The following STAG1 variants were observed in gnomAD, a reference collection of about 807,000 sequenced individuals.
The protein encoded by STAG1 is cohesin subunit SA-1.
A neutral mutation model predicts 170.9 loss-of-function variants in STAG1; 26 were observed. The observed-to-expected ratio is 0.15, with a 90% CI of 0.11 to 0.21. The LOEUF (loss-of-function observed/expected upper bound fraction) is 0.21. Among genes scored for constraint, STAG1 ranks in the 10% least tolerant of loss-of-function variants. The pLI is 1.00. For missense variants in STAG1, 964 were observed against 1,509.5 expected, an observed-to-expected ratio of 0.64 and a Z score of 5.99; for synonymous variants, 514 against 497.7, an observed-to-expected ratio of 1.03 and a Z score of -0.44.
At chr3:136,591,280 A>G (rs1441301857) in intron 4 of STAG1, among the ~76,000 whole-genome samples, 1 of 145,866 alleles carries the variant, frequency 6.9e-6, no homozygotes, top group Non-Finnish European at 1.5e-5. Context: ...GGGAGGAGGG[A>G]AGGCGGGAAG....
chr3:136,391,035 A>T (rs1417036386), intron 22 of STAG1, among the ~76,000 whole-genome samples: 1 of 152,212 alleles, frequency 6.6e-6, no homozygotes, highest in East Asian at 1.9e-4. Flanking sequence ...ACAAGTTGGA[A>T]TTTTCAGAGG....
chr3:136,409,562 C>A (rs2087569334), intron 21 of STAG1, among the ~76,000 whole-genome samples: 1 of 152,018 alleles, frequency 6.6e-6, no homozygotes, highest in African/African-American at 2.4e-5. Flanking sequence ...GTCTCAAACT[C>A]CTGGCCTGAA....
intron 1 of STAG1, among the ~76,000 whole-genome samples, chr3:136,695,855 A>G (rs932415126): frequency 2.8e-5 from 4 of 142,128 alleles, no homozygotes; most frequent in Non-Finnish European, 6.1e-5. Flanking sequence ...CAAAGAGTAC[A>G]TAGTTCTGGG....
At chr3:136,603,196 A>AT (rs112085833) in intron 4 of STAG1, among the ~76,000 whole-genome samples, 383 of 146,824 alleles carry the variant, frequency 2.6e-3, no homozygotes, top group South Asian at 9.7e-3. Context: ...CAATTACCTA[A>AT]TTTTTTTTTT....
At chr3:136,620,859 T>G (rs1166644930) in intron 3 of STAG1, among the ~76,000 whole-genome samples, 3 of 152,316 alleles carry the variant, frequency 2.0e-5, no homozygotes, top group South Asian at 2.1e-4. Context: ...TAGTAGTAAC[T>G]TCAGTAAAAA....
At chr3:136,398,196 C>A (rs187700042) in intron 22 of STAG1, among the ~76,000 whole-genome samples, 1 of 152,126 alleles carries the variant, frequency 6.6e-6, no homozygotes, top group Admixed American at 6.6e-5. Context: ...GAGCTCACTG[C>A]AACCTCTACC....
intron 1 of STAG1, among the ~76,000 whole-genome samples, chr3:136,659,352 G>C (rs1336597530): frequency 6.6e-6 from 1 of 152,110 alleles, no homozygotes; most frequent in Non-Finnish European, 1.5e-5. Context: ...TTAACTTCAA[G>C]AGCTTTAACA....
intron 1 of STAG1, among the ~76,000 whole-genome samples, chr3:136,711,058 A>G (rs1032952194): frequency 2.7e-5 from 4 of 150,754 alleles, no homozygotes; most frequent in Admixed American, 6.6e-5. Context: ...TACAAAAAGA[A>G]AAATATATAT....
intron 1 of STAG1, among the ~76,000 whole-genome samples, chr3:136,631,778 C>T (rs1940338172): frequency 6.6e-6 from 1 of 152,114 alleles, no homozygotes; most frequent in African/African-American, 2.4e-5. Context: ...ACAGTCCACA[C>T]TAGGCCATTA....
chr3:136,361,263 C>G (rs1160616552), intron 26 of STAG1, among the ~76,000 whole-genome samples: 1 of 152,126 alleles, frequency 6.6e-6, no homozygotes, highest in Non-Finnish European at 1.5e-5. Context: ...ATTTTTCACT[C>G]AATATTTTGT....
chr3:136,600,828 C>T (rs1484524644), intron 4 of STAG1, among the ~76,000 whole-genome samples: 1 of 151,894 alleles, frequency 6.6e-6, no homozygotes, highest in African/African-American at 2.4e-5. Context: ...CAACCACGCA[C>T]AGCTGTGCTC....
chr3:136,560,288 A>T (rs757396574), intron 5 of STAG1, among the ~76,000 whole-genome samples: 105 of 152,246 alleles, frequency 6.9e-4, no homozygotes, highest in South Asian at 1.4e-3. Flanking sequence ...CTTATTAAAA[A>T]TAGGCACATC....
chr3:136,519,699 A>G (rs1397019449), intron 7 of STAG1, among the ~76,000 whole-genome samples: 1 of 151,896 alleles, frequency 6.6e-6, no homozygotes, highest in East Asian at 1.9e-4. Flanking sequence ...GCGAATTAGA[A>G]AAAAAAAGTC....
chr3:136,522,595 G>T (rs1934738126), intron 6 of STAG1, among the ~76,000 whole-genome samples: 1 of 151,722 alleles, frequency 6.6e-6, no homozygotes, highest in Non-Finnish European at 1.5e-5. Flanking sequence ...TCTACTTTTA[G>T]TTCTAGGGTA....
chr3:136,585,141 G>GAC (rs1937745844), intron 4 of STAG1, among the ~76,000 whole-genome samples: 1 of 152,076 alleles, frequency 6.6e-6, no homozygotes. Flanking sequence ...TCTCACTTAC[G>GAC]TCTTTTAAAT....
chr3:136,652,673 G>C (rs926559030), intron 1 of STAG1, among the ~76,000 whole-genome samples: 3 of 152,312 alleles, frequency 2.0e-5, no homozygotes, highest in Middle Eastern at 3.4e-3. Context: ...AGTAAGTTTA[G>C]TTGAGCACAA....
intron 14 of STAG1, among the ~76,000 whole-genome samples, chr3:136,446,501 C>G (rs746172416): frequency 2.0e-4 from 30 of 151,946 alleles, no homozygotes; most frequent in Non-Finnish European, 4.1e-4. Flanking sequence ...CGGCTCACTG[C>G]AACCTCCGCC....
intron 1 of STAG1, among the ~76,000 whole-genome samples, chr3:136,635,621 A>G (rs183239865): frequency 2.0e-5 from 3 of 152,322 alleles, no homozygotes; most frequent in Non-Finnish European, 1.5e-5. Context: ...GGCTAATGCG[A>G]CAAGAGAAAG....
chr3:136,736,071 C>A (rs772293445), intron 1 of STAG1, among the ~76,000 whole-genome samples: 1 of 152,188 alleles, frequency 6.6e-6, no homozygotes, highest in Non-Finnish European at 1.5e-5. Flanking sequence ...GCAACTGAAG[C>A]GAAGGGGCTT....
Sources: gnomAD v4.1 joint callset for allele counts (sites outside exome capture counted in the v4.1 genomes callset) on GRCh38, gnomAD v4.1.1 for gene constraint, MANE v1.5 for transcripts, NCBI Gene and HGNC (gene_info 2026-07-23, HGNC 2026-07-21) for gene names.